The following PPFIA2 variants were observed in gnomAD, a reference collection of about 807,000 sequenced individuals.
The protein encoded by PPFIA2 is PPFI scaffold protein A2, also known as liprin-alpha-2.
A neutral mutation model predicts 175.5 loss-of-function variants in PPFIA2; 46 were observed. The ratio of observed to expected loss-of-function variants is 0.26; its 90% confidence interval spans 0.21 to 0.34. The LOEUF (loss-of-function observed/expected upper bound fraction) is 0.34. Ranked by LOEUF, PPFIA2 falls within the 10% of genes least tolerant of loss-of-function variation. PPFIA2 has a pLI of 1.00. For missense variants in PPFIA2, 1,179 were observed against 1,506.1 expected, an observed-to-expected ratio of 0.78 and a Z score of 3.60; for synonymous variants, 568 against 511.4, an observed-to-expected ratio of 1.11 and a Z score of -1.49.
chr12:81,266,791 A>G (rs1565803545), intron 30 of PPFIA2, among the ~76,000 whole-genome samples, 161 bp downstream of exon 30: 1 of 152,194 alleles, frequency 6.6e-6, no homozygotes, highest in Non-Finnish European at 1.5e-5. Context: ...AAAATTAAGT[A>G]ATAAGATTGA....
At chr12:81,293,719 G>A (rs1245651127) in intron 24 of PPFIA2, among the ~76,000 whole-genome samples, 1 of 151,952 alleles carries the variant, frequency 6.6e-6, no homozygotes, top group Non-Finnish European at 1.5e-5. Context: ...AACCTCTATG[G>A]AAGACAGTAT....
chr12:81,595,268 T>C (rs2059122042), intron 4 of PPFIA2, among the ~76,000 whole-genome samples: 1 of 151,130 alleles, frequency 6.6e-6, no homozygotes, highest in African/African-American at 2.4e-5. Flanking sequence ...TAAACAAACA[T>C]ATATATATAT....
At chr12:81,632,429 T>C (rs2063494152) in intron 4 of PPFIA2, among the ~76,000 whole-genome samples, 1 of 152,120 alleles carries the variant, frequency 6.6e-6, no homozygotes, top group African/African-American at 2.4e-5. Context: ...GTTGTAGATA[T>C]TGAGAGACAC....
chr12:81,634,672 A>C (rs2063784714), intron 4 of PPFIA2, among the ~76,000 whole-genome samples: 1 of 152,082 alleles, frequency 6.6e-6, no homozygotes, highest in Non-Finnish European at 1.5e-5. Flanking sequence ...GCATTATTTG[A>C]ATTATCATAA....
At chr12:81,638,140 C>T (rs905794717) in intron 4 of PPFIA2, among the ~76,000 whole-genome samples, 2 of 152,096 alleles carry the variant, frequency 1.3e-5, no homozygotes, top group African/African-American at 4.8e-5. Flanking sequence ...TCATCCTTTT[C>T]CCATTCCTCC....
chr12:81,440,078 GTA>G, intron 6 of PPFIA2, 32 bp from the exon 7 acceptor site: 1 of 1,484,348 alleles, frequency 6.7e-7, no homozygotes, highest in Non-Finnish European at 9.2e-7. Context: ...GTGCAGTAAT[GTA>G]CATCCCATAC....
At chr12:81,460,357 C>A (rs962622849) in intron 4 of PPFIA2, among the ~76,000 whole-genome samples, 1 of 152,064 alleles carries the variant, frequency 6.6e-6, no homozygotes, top group African/African-American at 2.4e-5. Flanking sequence ...TGTGTGGCCT[C>A]CCCAGTAACG....
chr12:81,647,851 A>G (rs1444943785), intron 4 of PPFIA2, among the ~76,000 whole-genome samples: 6 of 140,070 alleles, frequency 4.3e-5, no homozygotes, highest in Non-Finnish European at 9.1e-5. Flanking sequence ...AATATAATAT[A>G]TAACATATAT....
intron 3 of PPFIA2, among the ~76,000 whole-genome samples, chr12:81,753,456 G>GC (rs2084153488): frequency 6.8e-6 from 1 of 146,080 alleles, no homozygotes; most frequent in Admixed American, 6.9e-5. Context: ...CAGTTAAAGT[G>GC]TTTTTTTTTC....
intron 4 of PPFIA2, among the ~76,000 whole-genome samples, chr12:81,608,603 G>A (rs1384991696): frequency 1.3e-5 from 2 of 151,786 alleles, no homozygotes; most frequent in South Asian, 2.1e-4. Context: ...AATACTCTCC[G>A]AGAATCCTTT....
intron 4 of PPFIA2, among the ~76,000 whole-genome samples, chr12:81,583,295 AT>A (rs1160016873): frequency 6.6e-6 from 1 of 151,742 alleles, no homozygotes. Context: ...TTTGATGTAA[AT>A]TGTTTCAAAA....
rs545665488 is a variant in PPFIA2 at position 81,707,870 on chromosome 12, T to A, written c.250-31026A>T. The stretch of plus-strand genomic sequence containing the variant: ...AAAAATGATGAGTTCATGTCCTTTG[T>A]AGGGACATGGATGAAATTGGAAATC... On this transcript the variant is annotated intron_variant, in intron 3 of 32. Transcript: ENST00000549396. 3.5e-4 allele frequency among the ~76,000 whole-genome samples: 53 copies of A among 151,102 alleles called. No individual in the cohort carries two copies. The East Asian group carries it at 6.9e-3, about 20-fold the overall frequency.
At chr12:81,658,850 G>A (rs1190138274) in intron 4 of PPFIA2, among the ~76,000 whole-genome samples, 1 of 151,958 alleles carries the variant, frequency 6.6e-6, no homozygotes, top group African/African-American at 2.4e-5. Flanking sequence ...CAATTTCTAT[G>A]GTTAAAATGA....
chr12:81,501,011 A>T (rs1324664712), intron 4 of PPFIA2, among the ~76,000 whole-genome samples: 1 of 152,152 alleles, frequency 6.6e-6, no homozygotes, highest in African/African-American at 2.4e-5. Context: ...TAGCCAGGAG[A>T]TCCTGTTCAC....
chr12:81,406,858 CA>C (rs1489830051), intron 7 of PPFIA2, among the ~76,000 whole-genome samples: 1 of 151,982 alleles, frequency 6.6e-6, no homozygotes, highest in Non-Finnish European at 1.5e-5. Context: ...GTGGAAATTA[CA>C]AGACCAACAT....
At chr12:81,650,476 A>G (rs979506625) in intron 4 of PPFIA2, among the ~76,000 whole-genome samples, 5 of 152,192 alleles carry the variant, frequency 3.3e-5, no homozygotes, top group Non-Finnish European at 7.3e-5. Context: ...AGGCTTTCAA[A>G]TAAAATCCCT....
chr12:81,485,981 G>T (rs1471620015), intron 4 of PPFIA2, among the ~76,000 whole-genome samples: 1 of 151,808 alleles, frequency 6.6e-6, no homozygotes, highest in African/African-American at 2.4e-5. Context: ...CATTCTGAAA[G>T]AACATTCCTA....
At chr12:81,715,556 C>A (rs1385835716) in intron 3 of PPFIA2, among the ~76,000 whole-genome samples, 2 of 151,600 alleles carry the variant, frequency 1.3e-5, no homozygotes, top group Non-Finnish European at 3.0e-5. Context: ...TTTTTTCCCC[C>A]AGTAAGATTA....
In PPFIA2 at chr12:81,578,476, A is replaced by C. The variant is rs1423384710; in HGVS notation, c.303+98315T>G. 2.0e-5 allele frequency among the ~76,000 whole-genome samples: 3 copies of C among 151,958 alleles called. No homozygotes were observed. The East Asian group carries it at 5.8e-4, about 29-fold the overall frequency. On this transcript the variant is annotated intron_variant, in intron 4 of 32. Transcript: ENST00000549396. ...AATTAACACCCCTCTGCTTAGAAAG[A>C]AACTGTAAGTTATAGTAAAATATCT...
Sources: allele counts gnomAD v4.1 joint callset (sites outside exome capture counted in the v4.1 genomes callset), GRCh38; gene constraint gnomAD v4.1.1; transcripts MANE v1.5; gene names NCBI Gene and HGNC (gene_info 2026-07-23, HGNC 2026-07-21).